The following TAF2 variants were observed in gnomAD, a reference collection of about 807,000 sequenced individuals.
TAF2 encodes the protein TATA-box binding protein associated factor 2.
Under a neutral mutation model 138.5 loss-of-function variants are expected in TAF2, and 61 were observed. That is an observed-to-expected ratio of 0.44 (90% CI 0.36 to 0.54). The LOEUF (loss-of-function observed/expected upper bound fraction) is 0.54, where lower values mean the gene tolerates loss of function less well. TAF2 is among the 20% of genes least tolerant of loss of function. The pLI, the probability that TAF2 is intolerant of heterozygous loss-of-function variation, is 0.00. For synonymous variants in TAF2, 475 were observed against 469.9 expected (o/e 1.01, Z -0.14); for missense variants, 1,090 against 1,427.9 (o/e 0.76, Z 3.81).
chr8:119,731,675 C>G lies in TAF2; in HGVS notation c.*249G>C, dbSNP rs754157313. The G allele has an allele frequency of 3.5e-5, 18 of 519,352 alleles. No homozygotes were observed. Among genetic ancestry groups the G allele is most frequent in the African/African-American group, 1.7e-4 (9 of 52,262 alleles). 32.2% of individuals were successfully genotyped at this position (519,352 alleles called of 1,614,324 possible). ...GGGCTTTTATGAAAGGGAGTTTGCT[C>G]TGTGTGTGTGTTTTGGGGAGGAAAC... On this transcript the variant is annotated 3_prime_UTR_variant, in exon 26 of 26. Coordinates refer to ENST00000378164, the MANE Select transcript of TAF2 (RefSeq NM_003184.4).
At chr8:119,766,360 G>A (rs1445524724) in intron 18 of TAF2, among the ~76,000 whole-genome samples, 3 of 152,134 alleles carry the variant, frequency 2.0e-5, no homozygotes, top group African/African-American at 4.8e-5. Flanking sequence ...GTACAGGACA[G>A]CCCCACAACA....
At chr8:119,751,557 C>T (rs1563828558) in intron 22 of TAF2, among the ~76,000 whole-genome samples, 1 of 152,130 alleles carries the variant, frequency 6.6e-6, no homozygotes, top group African/African-American at 2.4e-5. Flanking sequence ...TTGGGTTCCC[C>T]AAATAGTTTG....
intron 18 of TAF2, among the ~76,000 whole-genome samples, chr8:119,767,878 C>T (rs1310263113): frequency 6.6e-6 from 1 of 152,220 alleles, no homozygotes; most frequent in Non-Finnish European, 1.5e-5. Flanking sequence ...AGGGACCTGC[C>T]CTTTGGCTCC....
At position 119,797,112 on chromosome 8, in the gene TAF2, T is replaced by C. The variant is rs987654595; in HGVS notation, c.978-9A>G. ...TGTGTAAAAGATTTGTGCTGGAATT[T>C]AAAAGAGAAGAAAGCTCATTATAAC... is the stretch of plus-strand genomic sequence containing the variant. On this transcript the variant is annotated splice_polypyrimidine_tract_variant and intron_variant, in intron 7 of 25. Coordinates refer to ENST00000378164, the MANE Select transcript of TAF2 (RefSeq NM_003184.4). 1.5e-5 allele frequency: 24 copies of C among 1,577,518 alleles called. No homozygotes were observed. The highest frequency in any genetic ancestry group is 5.5e-5 in the South Asian group (5 of 90,276).
chr8:119,744,619 T>TA (rs1819827881), intron 23 of TAF2: 1 of 549,974 alleles, frequency 1.8e-6, no homozygotes, highest in Admixed American at 3.1e-5. Context: ...TAATAGCAAC[T>TA]AAAATCTACT....
intron 22 of TAF2, among the ~76,000 whole-genome samples, chr8:119,754,852 C>T (rs1820591262): frequency 6.6e-6 from 1 of 152,066 alleles, no homozygotes; most frequent in Non-Finnish European, 1.5e-5. Context: ...TAAAGGTACA[C>T]ATTTATAAAT....
chr8:119,763,613 C>T (rs540334096), intron 18 of TAF2, among the ~76,000 whole-genome samples: 2 of 151,948 alleles, frequency 1.3e-5, no homozygotes, highest in Admixed American at 1.3e-4. Context: ...GCCTGTAGTC[C>T]CAGCTACTCG....
intron 25 of TAF2, among the ~76,000 whole-genome samples, chr8:119,742,027 G>A (rs1363823850): frequency 1.3e-5 from 2 of 152,188 alleles, no homozygotes; most frequent in Non-Finnish European, 2.9e-5. Context: ...CCCAATTACT[G>A]TGAAATGATA....
Position 119,820,102 on chromosome 8 carries a change from T to C in TAF2, c.139-596A>G, listed in dbSNP as rs933899207. On this transcript the variant is annotated intron_variant, in intron 2 of 25. Transcript: ENST00000378164. ...CCAGAGGCCATATGTAGTTCTACCA[T>C]GTTAGCTGTATGGTAGCAATGTCTC... is the stretch of plus-strand genomic sequence containing the variant. 4.6e-5 allele frequency among the ~76,000 whole-genome samples: 7 copies of C among 152,180 alleles called. No individual in the cohort carries two copies. In the East Asian group the frequency reaches 5.8e-4, roughly 13 times the overall value.
In TAF2 at chr8:119,826,653, C is replaced by T. The variant is rs147753005; in HGVS notation, c.138+5024G>A. ...TTGTCCAGGCTGGAGTGCAGCAGTGCGATTTCGGCTCGCTGGAACCTCCAC... is the reference window on the plus strand; with the variant it reads ...TTGTCCAGGCTGGAGTGCAGCAGTGTGATTTCGGCTCGCTGGAACCTCCAC... On this transcript the variant is annotated intron_variant, in intron 2 of 25. Coordinates refer to ENST00000378164, the MANE Select transcript of TAF2 (RefSeq NM_003184.4). Among the ~76,000 whole-genome samples, 455 of 151,606 alleles carry T rather than the reference C, an allele frequency of 3.0e-3. 3 individuals carry two copies. The highest frequency in any genetic ancestry group is 0.01 in the African/African-American group (428 of 41,296).
chr8:119,812,757 A>G (rs541229081), intron 3 of TAF2, among the ~76,000 whole-genome samples: 6 of 145,544 alleles, frequency 4.1e-5, no homozygotes, highest in African/African-American at 1.0e-4. Context: ...GTGTGTATAT[A>G]TGTGTGTATA....
intron 2 of TAF2, among the ~76,000 whole-genome samples, chr8:119,828,703 T>C (rs1182696085): frequency 6.6e-6 from 1 of 152,224 alleles, no homozygotes; most frequent in African/African-American, 2.4e-5. Context: ...TTTTATACTA[T>C]TTCTTTCAAC....
chr8:119,801,755 G>A (rs745457052), intron 6 of TAF2, 39 bp downstream of exon 6: 8 of 1,580,042 alleles, frequency 5.1e-6, no homozygotes, highest in Non-Finnish European at 1.7e-6. Context: ...AAGCAGTAAA[G>A]GGCCAGGAGG....
At chr8:119,787,205 G>GA (rs1214518937) in intron 14 of TAF2, among the ~76,000 whole-genome samples, 1 of 151,962 alleles carries the variant, frequency 6.6e-6, no homozygotes, top group African/African-American at 2.4e-5. Flanking sequence ...AGTTACAAGA[G>GA]AAAAACCAAC....
intron 16 of TAF2, among the ~76,000 whole-genome samples, chr8:119,781,735 G>A (rs193070442): frequency 5.3e-5 from 8 of 149,756 alleles, no homozygotes; most frequent in East Asian, 3.9e-4. Context: ...TCGTTCTATC[G>A]CTCAGGCTAT....
chr8:119,799,702 T>G lies in TAF2; in HGVS notation c.793-1856A>C, dbSNP rs1379255315. ...TGGCTGGGTCAAATGGTATTTCTAG[T>G]TCTAGATCCTTGAGGAATTGCCACA... On this transcript the variant is annotated intron_variant, in intron 6 of 25. Transcript: ENST00000378164. Among the ~76,000 whole-genome samples the G allele has an allele frequency of 1.2e-3, 179 of 152,214 alleles. 1 individual carries two copies. The highest frequency in any genetic ancestry group is 4.1e-3 in the African/African-American group (168 of 41,450).
chr8:119,778,466 G>A (rs1822415462), intron 17 of TAF2, among the ~76,000 whole-genome samples: 2 of 152,190 alleles, frequency 1.3e-5, no homozygotes, highest in African/African-American at 4.8e-5. Flanking sequence ...ACAGATTTTA[G>A]AATTACTTCT....
chr8:119,798,817 G>A (rs1563896534), intron 6 of TAF2, among the ~76,000 whole-genome samples: 1 of 152,090 alleles, frequency 6.6e-6, no homozygotes, highest in Admixed American at 6.5e-5. Context: ...CCATAAGAGT[G>A]GAGAAAAGCA....
intron 18 of TAF2, among the ~76,000 whole-genome samples, chr8:119,765,564 C>T (rs375037570): frequency 6.6e-6 from 1 of 152,162 alleles, no homozygotes; most frequent in Non-Finnish European, 1.5e-5. Flanking sequence ...GAGGGGTGGA[C>T]TGGGACCACC....
Sources: allele counts gnomAD v4.1 joint callset (sites outside exome capture counted in the v4.1 genomes callset), GRCh38; gene constraint gnomAD v4.1.1; transcripts MANE v1.5; gene names NCBI Gene and HGNC (gene_info 2026-07-23, HGNC 2026-07-21).